The following CTNNA3 variants were observed in gnomAD, a reference collection of about 807,000 sequenced individuals.
CTNNA3 encodes catenin alpha 3, also known as catenin alpha-3.
A neutral mutation model predicts 95.7 loss-of-function variants in CTNNA3; 76 were observed. The observed-to-expected ratio is 0.79, with a 90% CI of 0.66 to 0.96. CTNNA3 has a LOEUF of 0.96. Among genes scored for constraint, CTNNA3 ranks in the 40% least tolerant of loss-of-function variants. The pLI, the probability that CTNNA3 is intolerant of heterozygous loss-of-function variation, is 0.00. For synonymous variants in CTNNA3, 431 were observed against 374.4 expected (o/e 1.15, Z -1.74); for missense variants, 1,191 against 1,089.8 (o/e 1.09, Z -1.31).
rs111580244 is a variant in CTNNA3 at position 66,141,174 on chromosome 10, G to A, written c.1885-37925C>T. ...CTCAGGAGGCTGAAGCATGAGAATT[G>A]CTTGAGCCCAGGAGGTGGAAGTTGC... On this transcript the variant is annotated intron_variant, in intron 13 of 17. Transcript: ENST00000433211. 1.8e-3 allele frequency among the ~76,000 whole-genome samples: 277 copies of A among 151,770 alleles called. 1 individual carries two copies. Among genetic ancestry groups the A allele is most frequent in the Admixed American group, 3.4e-3 (52 of 15,194 alleles).
intron 7 of CTNNA3, among the ~76,000 whole-genome samples, chr10:67,075,341 G>A (rs1447712753): frequency 6.6e-6 from 1 of 152,056 alleles, no homozygotes; most frequent in Non-Finnish European, 1.5e-5. Flanking sequence ...ACAAGAACAA[G>A]TATTTCATTC....
At chr10:66,468,555 G>A (rs759019400) in intron 11 of CTNNA3, among the ~76,000 whole-genome samples, 9 of 151,922 alleles carry the variant, frequency 5.9e-5, no homozygotes, top group Non-Finnish European at 8.8e-5. Flanking sequence ...GTGCAGCATG[G>A]TGGCTATAAT....
At chr10:67,378,305 A>C (rs1328250336) in intron 5 of CTNNA3, among the ~76,000 whole-genome samples, 1 of 152,168 alleles carries the variant, frequency 6.6e-6, no homozygotes, top group Non-Finnish European at 1.5e-5. Context: ...ATAATGATAC[A>C]GAGAGTTTCT....
chr10:66,766,512 T>C, intron 8 of CTNNA3, 96 bp from the exon 9 acceptor site: 1 of 1,098,966 alleles, frequency 9.1e-7, no homozygotes, highest in Non-Finnish European at 1.3e-6. Context: ...AACTCATTTT[T>C]CATTTTTGCA....
At chr10:67,447,987 C>A (rs543865210) in intron 5 of CTNNA3, among the ~76,000 whole-genome samples, 2 of 152,302 alleles carry the variant, frequency 1.3e-5, no homozygotes, top group South Asian at 4.1e-4. Context: ...GCAGAAAGTG[C>A]AACTCTGTAT....
intron 5 of CTNNA3, among the ~76,000 whole-genome samples, chr10:67,294,852 A>G (rs1317303417): frequency 3.3e-5 from 5 of 152,222 alleles, no homozygotes; most frequent in Non-Finnish European, 2.9e-5. Context: ...GTGATTATTT[A>G]CAGCCCTAAT....
At chr10:67,592,508 T>A (rs1842819791) in intron 3 of CTNNA3, among the ~76,000 whole-genome samples, 1 of 152,106 alleles carries the variant, frequency 6.6e-6, no homozygotes, top group African/African-American at 2.4e-5. Context: ...CAAAAGATTT[T>A]AAAAATGGTT....
At chr10:67,013,251 T>G (rs1050997621) in intron 7 of CTNNA3, among the ~76,000 whole-genome samples, 2 of 151,540 alleles carry the variant, frequency 1.3e-5, no homozygotes, top group African/African-American at 4.9e-5. Context: ...TTAAGTTGCC[T>G]CTCTTCATTT....
rs116378024 is a variant in CTNNA3 at position 67,142,024 on chromosome 10, C to G, written c.1047+38293G>C. On this transcript the variant is annotated intron_variant, in intron 7 of 17. Coordinates refer to ENST00000433211, the MANE Select transcript of CTNNA3 (RefSeq NM_013266.4). ...ACAGCAATAGCTTGATGCAATTTTT[C>G]CATATGCTTGATTTATAAAAACAAA... is the stretch of plus-strand genomic sequence containing the variant. 1.9e-3 allele frequency among the ~76,000 whole-genome samples: 293 copies of G among 152,054 alleles called. 1 individual carries two copies. The highest frequency in any genetic ancestry group is 6.7e-3 in the African/African-American group (279 of 41,488).
chr10:67,483,238 A>G (rs1246440454), intron 5 of CTNNA3, among the ~76,000 whole-genome samples: 3 of 151,270 alleles, frequency 2.0e-5, no homozygotes, highest in South Asian at 4.2e-4. Context: ...AACTAGAAAT[A>G]CCATTTGACC....
chr10:66,458,822 TC>T (rs1187177901), intron 11 of CTNNA3, among the ~76,000 whole-genome samples: 17 of 152,170 alleles, frequency 1.1e-4, no homozygotes, highest in African/African-American at 4.1e-4. Context: ...TAACCATTCA[TC>T]CCGTGAAGAG....
intron 1 of CTNNA3, among the ~76,000 whole-genome samples, chr10:67,688,213 C>T (rs1008639694): frequency 2.0e-5 from 3 of 152,138 alleles, no homozygotes; most frequent in African/African-American, 7.2e-5. Flanking sequence ...GAGAAGGGGA[C>T]ATGTACCCGG....
intron 7 of CTNNA3, among the ~76,000 whole-genome samples, chr10:67,096,840 T>C (rs1406476276): frequency 2.6e-5 from 4 of 151,872 alleles, no homozygotes; most frequent in African/African-American, 4.8e-5. Context: ...TGGACTTTCA[T>C]AGGAACCATA....
chr10:66,757,932 CAT>C (rs1289730100), intron 9 of CTNNA3, among the ~76,000 whole-genome samples: 2 of 152,092 alleles, frequency 1.3e-5, no homozygotes, highest in African/African-American at 4.8e-5. Context: ...TTATCTCCAT[CAT>C]TGTGAGCATT....
At chr10:66,753,533 G>A (rs1839243927) in intron 9 of CTNNA3, among the ~76,000 whole-genome samples, 1 of 151,726 alleles carries the variant, frequency 6.6e-6, no homozygotes, top group Non-Finnish European at 1.5e-5. Flanking sequence ...GTGGTGGTGG[G>A]CACCCGTAAT....
In CTNNA3 at chr10:66,870,343, G is replaced by A. The variant is rs186921831; in HGVS notation, c.1048-94819C>T. Among the ~76,000 whole-genome samples the A allele has an allele frequency of 3.5e-4, 54 of 152,164 alleles. 1 individual carries two copies. Among genetic ancestry groups the A allele is most frequent in the African/African-American group, 1.3e-3 (54 of 41,538 alleles). On this transcript the variant is annotated intron_variant, in intron 7 of 17. Transcript: ENST00000433211. ...CGGATGTTTTGCTACGGCTATTAAT[G>A]GACAATATTTTATTGTAATGTTAAA...
rs1020305339 is a variant in CTNNA3, at chr10:66,602,553, C to T, written c.1374+19139G>A. On this transcript the variant is annotated intron_variant, in intron 10 of 17. Coordinates refer to ENST00000433211, the MANE Select transcript of CTNNA3 (RefSeq NM_013266.4). ...ACTTTAGAAAATGCTGCTAGAATTG[C>T]TTAAAAGCCTACTGCACTATGTAGA... 2.6e-5 allele frequency among the ~76,000 whole-genome samples: 4 copies of T among 151,824 alleles called. No homozygotes were observed. In the South Asian group the frequency reaches 8.3e-4, roughly 31 times the overall value.
intron 17 of CTNNA3, among the ~76,000 whole-genome samples, chr10:65,962,364 T>C (rs909202202): frequency 1.3e-5 from 2 of 152,198 alleles, no homozygotes; most frequent in African/African-American, 4.8e-5. Context: ...ACGATGCCAT[T>C]GTTGACTAAG....
At chr10:66,233,476 T>A (rs1343034894) in intron 13 of CTNNA3, among the ~76,000 whole-genome samples, 1 of 152,192 alleles carries the variant, frequency 6.6e-6, no homozygotes, top group East Asian at 1.9e-4. Flanking sequence ...TATAAATCAA[T>A]TTTAAAAATC....
Sources: allele counts gnomAD v4.1 joint callset (sites outside exome capture counted in the v4.1 genomes callset), GRCh38; gene constraint gnomAD v4.1.1; transcripts MANE v1.5; gene names NCBI Gene and HGNC (gene_info 2026-07-23, HGNC 2026-07-21).